Variants in CACNA1C observed in about 807,000 individuals in gnomAD.
The protein encoded by CACNA1C is calcium voltage-gated channel subunit alpha1 C, also known as voltage-dependent L-type calcium channel subunit alpha-1C.
CACNA1C carries 30 observed loss-of-function variants against 229.0 expected under a neutral mutation model. The ratio of observed to expected loss-of-function variants is 0.13; its 90% CI spans 0.10 to 0.18. The LOEUF (loss-of-function observed/expected upper bound fraction) is 0.18, where lower values mean the gene tolerates loss of function less well. Among genes scored for constraint, CACNA1C ranks in the 10% least tolerant of loss-of-function variants. The pLI is 1.00. For missense variants in CACNA1C, 1,658 were observed against 2,845.0 expected, an observed-to-expected ratio of 0.58 and a Z score of 9.49; for synonymous variants, 1,114 against 1,132.5, an observed-to-expected ratio of 0.98 and a Z score of 0.33.
chr12:2,250,408 C>G (rs768746303), intron 3 of CACNA1C, among the ~76,000 whole-genome samples: 3 of 152,236 alleles, frequency 2.0e-5, no homozygotes, highest in East Asian at 3.8e-4. Flanking sequence ...CTCTCCATCC[C>G]GAGACCTTTA....
chr12:2,691,172 C>T lies in CACNA1C; in HGVS notation c.6390C>T (p.Asp2130=), dbSNP rs757406553. The T allele has an allele frequency of 7.5e-6, 12 of 1,595,906 alleles. 1 individual carries two copies. The Admixed American group carries it at 1.0e-4, about 14-fold the overall frequency. ...GACCGAGTGAGGAGGAGCTCCAGGA[C>T]AGCAGGGTCTACGTCAGCAGCCTGT... ...RGRPSEEELQ[D]SRVYVSSL is the part of the protein sequence containing the mutation. The change falls in exon 47 of 47, where the codon GAC becomes GAT. Residue 2130 remains aspartate, a synonymous_variant. Transcript: ENST00000399655.
intron 1 of CACNA1C, among the ~76,000 whole-genome samples, chr12:2,037,504 A>T (rs1315978721): frequency 6.6e-6 from 1 of 152,198 alleles, no homozygotes; most frequent in Non-Finnish European, 1.5e-5. Context: ...TACACCAAAA[A>T]TGTCCTTGGG....
intron 9 of CACNA1C, among the ~76,000 whole-genome samples, chr12:2,548,059 T>TAAAAATA (rs2099885044): frequency 6.6e-6 from 1 of 151,462 alleles, no homozygotes; most frequent in Non-Finnish European, 1.5e-5. Context: ...AGCTAAAAAC[T>TAAAAATA]AAAAATAAAA....
In CACNA1C at chr12:2,646,767, A is replaced by AG. The variant is rs1569028205; in HGVS notation, c.3913-1708_3913-1707insG. Among the ~76,000 whole-genome samples, 6 of 59,670 alleles carry AG rather than the reference A, an allele frequency of 1.0e-4. No homozygotes were observed. Among genetic ancestry groups the AG allele is most frequent in the African/African-American group, 2.9e-4 (4 of 13,862 alleles). The allele number at this position is 59,670 out of a possible 152,430, so 39.1% of individuals were successfully genotyped here. ...ATGCCTGTATGAGAGAGAGAGAGAG[A>AG]AAGAGAGAGAGAGAGAGAGAGAGTG... On this transcript the variant is annotated intron_variant, in intron 30 of 46. Coordinates refer to ENST00000399655, the MANE Select transcript of CACNA1C (RefSeq NM_000719.7). The surrounding 1 kb of genome is among the most constrained non-coding windows in gnomAD (Gnocchi z 4.6).
rs535608247 is a variant in CACNA1C, at chr12:2,079,691, A to T, written c.49+26080A>T. On this transcript the variant is annotated intron_variant, in intron 1 of 46. Coordinates refer to ENST00000399655, the MANE Select transcript of CACNA1C (RefSeq NM_000719.7). ...TAACAATGGTAAATTTTATATATAT[A>T]TTTTTGCCTCAATAACAAGAACCCC... Among the ~76,000 whole-genome samples, 33 of 152,238 alleles carry T rather than the reference A, an allele frequency of 2.2e-4. 1 individual carries two copies. In the South Asian group the frequency reaches 5.8e-3, roughly 27 times the overall value.
chr12:2,178,225 A>G (rs1271263070), intron 3 of CACNA1C, among the ~76,000 whole-genome samples: 1 of 152,202 alleles, frequency 6.6e-6, no homozygotes, highest in Non-Finnish European at 1.5e-5. Flanking sequence ...CTTGGTAGCC[A>G]CCAATATCCA....
intron 1 of CACNA1C, among the ~76,000 whole-genome samples, chr12:2,055,236 A>G (rs1391482235): frequency 6.6e-6 from 1 of 152,066 alleles, no homozygotes; most frequent in Non-Finnish European, 1.5e-5. Flanking sequence ...ATGGTTTAGG[A>G]GGGAAGGAGT....
intron 1 of CACNA1C, among the ~76,000 whole-genome samples, chr12:2,025,575 C>G (rs965520518): frequency 1.3e-5 from 2 of 152,110 alleles, no homozygotes; most frequent in African/African-American, 2.4e-5. Flanking sequence ...TCCTGTTTTC[C>G]TTTATTCTCT....
chr12:2,588,322 C>A (rs1232176718), intron 18 of CACNA1C, among the ~76,000 whole-genome samples: 1 of 152,242 alleles, frequency 6.6e-6, no homozygotes, highest in African/African-American at 2.4e-5. Flanking sequence ...GCAGGCAGCA[C>A]TGGTGAGTGT....
intron 9 of CACNA1C, among the ~76,000 whole-genome samples, chr12:2,535,945 C>A (rs1268276265): frequency 1.3e-5 from 2 of 152,204 alleles, no homozygotes; most frequent in African/African-American, 4.8e-5. Context: ...TGAAGAGACA[C>A]CATGGGGTTG....
chr12:2,297,764 A>G (rs2094189593), intron 3 of CACNA1C, among the ~76,000 whole-genome samples: 1 of 152,186 alleles, frequency 6.6e-6, no homozygotes, highest in Non-Finnish European at 1.5e-5. Flanking sequence ...TACTCTGTGC[A>G]TATACTTAAG....
chr12:2,267,243 C>G (rs1466360938), intron 3 of CACNA1C, among the ~76,000 whole-genome samples: 1 of 152,078 alleles, frequency 6.6e-6, no homozygotes, highest in Non-Finnish European at 1.5e-5. Context: ...TTCATTTACC[C>G]TTCTTATTAT....
At chr12:2,661,264 AACACATACAC>A (rs201630609) in intron 34 of CACNA1C, among the ~76,000 whole-genome samples, 3,280 of 142,948 alleles carry the variant, frequency 0.023, 92 homozygotes, top group African/African-American at 0.068. Context: ...CCCATCTCTA[AACACATACAC>A]ACACATACAC....
At chr12:2,449,930 C>G (rs574826262) in intron 4 of CACNA1C, among the ~76,000 whole-genome samples, 25 of 152,264 alleles carry the variant, frequency 1.6e-4, no homozygotes, top group African/African-American at 6.0e-4. Flanking sequence ...GGCCTCTTCC[C>G]CATTCTCACT....
At chr12:2,162,965 C>T (rs2095975775) in intron 3 of CACNA1C, among the ~76,000 whole-genome samples, 2 of 152,106 alleles carry the variant, frequency 1.3e-5, no homozygotes. Context: ...TATGCCTTCC[C>T]TGATGGAAAA....
intron 3 of CACNA1C, among the ~76,000 whole-genome samples, chr12:2,135,813 C>T (rs1050421298): frequency 8.9e-5 from 13 of 146,672 alleles, no homozygotes; most frequent in African/African-American, 3.5e-4. Context: ...GGCAGGCCTC[C>T]TTGAGCTGTG....
intron 3 of CACNA1C, among the ~76,000 whole-genome samples, chr12:2,314,696 A>AT (rs1266012794): frequency 6.6e-6 from 1 of 152,144 alleles, no homozygotes; most frequent in East Asian, 1.9e-4. Flanking sequence ...ATAGTATTCC[A>AT]TTGTTCATGT....
intron 3 of CACNA1C, among the ~76,000 whole-genome samples, chr12:2,406,559 T>C (rs2098739445): frequency 6.6e-6 from 1 of 152,258 alleles, no homozygotes; most frequent in South Asian, 2.1e-4. Flanking sequence ...CATTGAGTTT[T>C]GAAATTTCAT....
Position 2,181,797 on chromosome 12 carries a change from A to G in CACNA1C, c.477+61367A>G, listed in dbSNP as rs2096847981. Among the ~76,000 whole-genome samples the G allele has an allele frequency of 6.6e-6, 1 of 152,142 alleles. No homozygotes were observed. Among genetic ancestry groups the G allele is most frequent in the Non-Finnish European group, 1.5e-5 (1 of 68,020 alleles). Reference sequence around the variant, plus strand: ...TTATTACCCTTTTATAGATGAGAACACTGGAGCTTAGCGAGGGTAAGTAAT... The same window carrying G: ...TTATTACCCTTTTATAGATGAGAACGCTGGAGCTTAGCGAGGGTAAGTAAT... On this transcript the variant is annotated intron_variant, in intron 3 of 46. Coordinates refer to ENST00000399655, the MANE Select transcript of CACNA1C (RefSeq NM_000719.7). This position sits in a 1 kb window ranked among gnomAD's most constrained non-coding sequence, Gnocchi z 4.0.
Sources: allele counts gnomAD v4.1 joint callset (sites outside exome capture counted in the v4.1 genomes callset), GRCh38; gene constraint gnomAD v4.1.1; non-coding constraint Gnocchi (gnomAD v3.1); transcripts MANE v1.5; gene names NCBI Gene and HGNC (gene_info 2026-07-23, HGNC 2026-07-21).